CNOT10: variants seen among roughly 807,000 people sequenced by gnomAD.
CNOT10 encodes CCR4-NOT transcription complex, subunit 10.
In CNOT10, 30 loss-of-function variants were observed where a neutral mutation model predicts 94.6. That is an observed-to-expected ratio of 0.32 (90% CI 0.24 to 0.43). CNOT10 has a LOEUF of 0.43. Among genes scored for constraint, CNOT10 ranks in the 20% least tolerant of loss-of-function variants. The pLI is 1.00. For missense variants in CNOT10, 759 were observed against 877.2 expected, an observed-to-expected ratio of 0.87 and a Z score of 1.70; for synonymous variants, 289 against 301.6, an observed-to-expected ratio of 0.96 and a Z score of 0.43.
intron 10 of CNOT10, among the ~76,000 whole-genome samples, chr3:32,733,066 T>A (rs952557858): frequency 2.6e-5 from 4 of 152,178 alleles, no homozygotes; most frequent in Non-Finnish European, 5.9e-5. Flanking sequence ...TATTTTGGGC[T>A]CTCTTATTTT....
At chr3:32,691,159 C>CTTTT (rs34462848) in intron 1 of CNOT10, among the ~76,000 whole-genome samples, 3 of 88,172 alleles carry the variant, frequency 3.4e-5, no homozygotes, top group African/African-American at 9.4e-5. Flanking sequence ...CCACAGCCAG[C>CTTTT]TTTTTTTTTT....
intron 7 of CNOT10, 85 bp from the exon 8 acceptor site, chr3:32,720,028 GA>G (rs1361415305): frequency 1.6e-5 from 9 of 567,292 alleles, no homozygotes; most frequent in African/African-American, 3.8e-5. Context: ...TTATGGTTTT[GA>G]ACACGTCAGT....
intron 13 of CNOT10, among the ~76,000 whole-genome samples, chr3:32,744,049 G>A (rs1699592695): frequency 6.6e-6 from 1 of 152,146 alleles, no homozygotes; most frequent in Admixed American, 6.6e-5. Context: ...CCAGACAGTA[G>A]CAATGGTAAT....
chr3:32,744,887 T>A (rs1333824511), intron 13 of CNOT10, among the ~76,000 whole-genome samples: 1 of 152,192 alleles, frequency 6.6e-6, no homozygotes, highest in African/African-American at 2.4e-5. Context: ...TTATTTTATT[T>A]ATTTTTTTGA....
chr3:32,731,169 T>TATTGC (rs1024163855), intron 10 of CNOT10: 5 of 152,226 alleles, frequency 3.3e-5, no homozygotes, highest in African/African-American at 1.2e-4. Flanking sequence ...TTTTCATTAA[T>TATTGC]ATTGCATGGC....
chr3:32,705,779 A>G (rs961155499), intron 3 of CNOT10, among the ~76,000 whole-genome samples: 7 of 152,154 alleles, frequency 4.6e-5, no homozygotes, highest in Non-Finnish European at 1.0e-4. Context: ...CATGAGTACC[A>G]TGATACTCTA....
intron 14 of CNOT10, among the ~76,000 whole-genome samples, chr3:32,759,844 CAGAG>C (rs371222256): frequency 5.9e-5 from 9 of 152,102 alleles, no homozygotes; most frequent in African/African-American, 2.2e-4. Flanking sequence ...GTCAAGTCCT[CAGAG>C]AGAAGACCTA....
chr3:32,742,417 T>G (rs1041284086), intron 13 of CNOT10, among the ~76,000 whole-genome samples: 17 of 152,190 alleles, frequency 1.1e-4, no homozygotes, highest in Admixed American at 9.2e-4. Context: ...AGTCTTGCTG[T>G]GTTGCCCAGG....
At chr3:32,733,067 C>T (rs983858959) in intron 10 of CNOT10, among the ~76,000 whole-genome samples, 1 of 152,054 alleles carries the variant, frequency 6.6e-6, no homozygotes, top group Admixed American at 6.6e-5. Context: ...ATTTTGGGCT[C>T]TCTTATTTTC....
At chr3:32,749,377 A>G (rs1298407184) in intron 13 of CNOT10, among the ~76,000 whole-genome samples, 1 of 148,566 alleles carries the variant, frequency 6.7e-6, no homozygotes, top group Non-Finnish European at 1.5e-5. Context: ...TAGCACTTAC[A>G]TTTAGGTCTT....
intron 1 of CNOT10, among the ~76,000 whole-genome samples, chr3:32,697,698 CT>C (rs1339182999): frequency 6.6e-6 from 1 of 152,174 alleles, no homozygotes; most frequent in African/African-American, 2.4e-5. Flanking sequence ...TGGTCTGGAA[CT>C]CCTAGGCTCA....
chr3:32,754,476 C>CAGA (rs1700115897), intron 13 of CNOT10, among the ~76,000 whole-genome samples: 1 of 36,256 alleles, frequency 2.8e-5, no homozygotes, highest in Non-Finnish European at 4.3e-5. Context: ...GACTCCGTCT[C>CAGA]AAAAAAAAAA....
At chr3:32,717,944 A>G (rs1698196394) in intron 7 of CNOT10, among the ~76,000 whole-genome samples, 1 of 152,104 alleles carries the variant, frequency 6.6e-6, no homozygotes, top group Non-Finnish European at 1.5e-5. Flanking sequence ...CTTCCAAGTG[A>G]CTTTTGGCTT....
At chr3:32,744,658 C>A (rs1699616383) in intron 13 of CNOT10, among the ~76,000 whole-genome samples, 1 of 152,070 alleles carries the variant, frequency 6.6e-6, no homozygotes, top group Non-Finnish European at 1.5e-5. Context: ...TCTCAGAAAT[C>A]AACTAACTAG....
intron 11 of CNOT10, among the ~76,000 whole-genome samples, chr3:32,733,810 T>C (rs939202540): frequency 2.0e-5 from 3 of 152,188 alleles, no homozygotes; most frequent in Non-Finnish European, 4.4e-5. Flanking sequence ...TTATTAAGAA[T>C]GTCCAGAAGA....
Position 32,764,889 on chromosome 3 carries a change from T to G in CNOT10, c.2004+80T>G, listed in dbSNP as rs552332667. 9.9e-5 allele frequency: 156 copies of G among 1,569,882 alleles called. 1 individual carries two copies. The African/African-American group carries it at 1.9e-3, about 19-fold the overall frequency. ...GGTTTATATTTTTTGTTACTTTGTT[T>G]GAAGCATCTGATCAGTTTGTTAAAT... On this transcript the variant is annotated intron_variant, in intron 17 of 18. Transcript: ENST00000328834.
intron 7 of CNOT10, among the ~76,000 whole-genome samples, chr3:32,718,997 TC>T (rs1430019536): frequency 2.6e-5 from 4 of 152,100 alleles, no homozygotes; most frequent in African/African-American, 9.7e-5. Flanking sequence ...ACGCCTGTAA[TC>T]CCCACACTTT....
Position 32,744,646 on chromosome 3 carries a change from C to T in CNOT10, c.1595+7156C>T, listed in dbSNP as rs183240361. ...AAAATGTGGCCCCAAATTAGGAAAA[C>T]GTCTCAGAAATCAACTAACTAGTTT... is the stretch of plus-strand genomic sequence containing the variant. On this transcript the variant is annotated intron_variant, in intron 13 of 18. Coordinates refer to ENST00000328834, the MANE Select transcript of CNOT10 (RefSeq NM_015442.3). Among the ~76,000 whole-genome samples, 14 of 152,144 alleles carry T rather than the reference C, an allele frequency of 9.2e-5. No homozygotes were observed. In the East Asian group the frequency reaches 2.7e-3, roughly 29 times the overall value.
chr3:32,701,795 TTTG>T (rs1406510023), intron 1 of CNOT10, among the ~76,000 whole-genome samples: 23 of 152,168 alleles, frequency 1.5e-4, no homozygotes, highest in South Asian at 4.1e-4. Context: ...GATAGTTGTT[TTTG>T]TTTGTTTGTT....
Sources: allele counts gnomAD v4.1 joint callset (sites outside exome capture counted in the v4.1 genomes callset), GRCh38; gene constraint gnomAD v4.1.1; transcripts MANE v1.5; gene names NCBI Gene and HGNC (gene_info 2026-07-23, HGNC 2026-07-21).